MAGI2: variants seen among roughly 807,000 people sequenced by gnomAD.
MAGI2 encodes membrane-associated guanylate kinase, WW and PDZ domain-containing protein 2.
MAGI2 carries 35 observed loss-of-function variants against 133.3 expected under a neutral mutation model. That is an observed-to-expected ratio of 0.26 (90% confidence interval 0.20 to 0.35). MAGI2 has a LOEUF of 0.35. MAGI2 is among the 10% of genes least tolerant of loss of function. The probability of loss-of-function intolerance (pLI) is 1.00; values close to 1 mark genes in which losing one functional copy is unlikely to be tolerated. For synonymous variants in MAGI2, 729 were observed against 710.6 expected (o/e 1.03, Z -0.41); for missense variants, 1,636 against 1,863.4 (o/e 0.88, Z 2.25).
Position 78,241,639 on chromosome 7 carries a change from AAAAGATTTCATGGCC to A in MAGI2, c.2047+14289_2047+14303del, listed in dbSNP as rs1187945524. 6.6e-5 allele frequency among the ~76,000 whole-genome samples: 10 copies of A among 152,304 alleles called. 1 individual carries two copies. The highest frequency in any genetic ancestry group is 5.2e-4 in the Admixed American group (8 of 15,304). On this transcript the variant is annotated intron_variant, in intron 10 of 21. Coordinates refer to ENST00000354212, the MANE Select transcript of MAGI2 (RefSeq NM_012301.4). The stretch of plus-strand genomic sequence containing the variant: ...ATCACATCACTATATCATGTTAGAA[AAAAGATTTCATGGCC>A]AGGTGCAGTGGCTCACGCCTGTAAT...
At chr7:78,183,307 C>A (rs1223918111) in intron 13 of MAGI2, among the ~76,000 whole-genome samples, 1 of 144,078 alleles carries the variant, frequency 6.9e-6, no homozygotes, top group African/African-American at 2.6e-5. Flanking sequence ...CGCTCTGTTG[C>A]CAGACTGGAG....
intron 1 of MAGI2, among the ~76,000 whole-genome samples, chr7:79,370,246 T>C (rs181872885): frequency 1.3e-5 from 2 of 152,272 alleles, no homozygotes; most frequent in Admixed American, 1.3e-4. Flanking sequence ...TAAATATTTT[T>C]ACCACTAGCA....
intron 2 of MAGI2, among the ~76,000 whole-genome samples, chr7:78,657,411 G>A (rs1483636399): frequency 2.0e-5 from 3 of 152,220 alleles, no homozygotes; most frequent in African/African-American, 7.2e-5. Context: ...GCCAAAACTT[G>A]GAAGCAACCA....
chr7:79,158,167 T>C (rs1177484451), intron 1 of MAGI2, among the ~76,000 whole-genome samples: 8 of 152,014 alleles, frequency 5.3e-5, no homozygotes. Context: ...TTGCCTAGGA[T>C]GGTGAAACAG....
At chr7:78,294,587 G>A (rs958550549) in intron 9 of MAGI2, among the ~76,000 whole-genome samples, 1 of 152,242 alleles carries the variant, frequency 6.6e-6, no homozygotes, top group Non-Finnish European at 1.5e-5. Flanking sequence ...CTTAGGACAC[G>A]TGTGGAAACA....
chr7:78,973,163 G>T (rs1803936184), intron 2 of MAGI2, among the ~76,000 whole-genome samples: 1 of 151,798 alleles, frequency 6.6e-6, no homozygotes, highest in African/African-American at 2.4e-5. Context: ...TTTTAATTCT[G>T]TAACAATATT....
intron 1 of MAGI2, among the ~76,000 whole-genome samples, chr7:79,136,218 T>C (rs1470247157): frequency 6.6e-6 from 1 of 152,224 alleles, no homozygotes; most frequent in African/African-American, 2.4e-5. Context: ...AAATGTCTTA[T>C]ATTTGTCTTT....
chr7:79,080,220 A>G (rs538130563), intron 1 of MAGI2, among the ~76,000 whole-genome samples: 7 of 152,106 alleles, frequency 4.6e-5, no homozygotes, highest in Admixed American at 2.0e-4. Flanking sequence ...ATCATAAAAG[A>G]CTCGGTATTA....
Position 78,092,716 on chromosome 7 carries a change from A to G in MAGI2, c.3568-13631T>C, listed in dbSNP as rs558682301. 6.7e-4 allele frequency among the ~76,000 whole-genome samples: 102 copies of G among 152,274 alleles called. 1 individual carries two copies. In the South Asian group the frequency reaches 0.013, roughly 19 times the overall value. On this transcript the variant is annotated intron_variant, in intron 20 of 21. Coordinates refer to ENST00000354212, the MANE Select transcript of MAGI2 (RefSeq NM_012301.4). ...TACTTTTTGAACTGTCCCACTTTTC[A>G]GTTTCGGTTAATAATTGTCTGATTA...
chr7:78,198,788 G>T (rs1167444553), intron 11 of MAGI2, among the ~76,000 whole-genome samples: 1 of 152,204 alleles, frequency 6.6e-6, no homozygotes, highest in African/African-American at 2.4e-5. Context: ...AAGTGGGGTA[G>T]TTTAAATCAT....
At chr7:78,280,980 A>G (rs1431127858) in intron 9 of MAGI2, among the ~76,000 whole-genome samples, 2 of 151,998 alleles carry the variant, frequency 1.3e-5, no homozygotes, top group Non-Finnish European at 2.9e-5. Context: ...ATTCTTCCTT[A>G]AACTGAATCA....
intron 2 of MAGI2, among the ~76,000 whole-genome samples, chr7:78,948,136 A>G (rs1215222713): frequency 6.6e-6 from 1 of 152,114 alleles, no homozygotes; most frequent in African/African-American, 2.4e-5. Context: ...CCAAATGTTC[A>G]TGATATTTGG....
chr7:78,829,213 T>C (rs1407344752), intron 2 of MAGI2, among the ~76,000 whole-genome samples: 1 of 152,120 alleles, frequency 6.6e-6, no homozygotes, highest in Non-Finnish European at 1.5e-5. Flanking sequence ...TTTTTATTAG[T>C]GTCCATCTAG....
At chr7:78,060,374 C>CAAACATCTTGAT (rs2151133600) in intron 21 of MAGI2, among the ~76,000 whole-genome samples, 1 of 144,298 alleles carries the variant, frequency 6.9e-6, no homozygotes, top group Non-Finnish European at 1.6e-5. Flanking sequence ...CTCGTTCTGA[C>CAAACATCTTGAT]AAACATCTTG....
chr7:78,680,913 A>T (rs1453174546), intron 2 of MAGI2, among the ~76,000 whole-genome samples: 2 of 152,210 alleles, frequency 1.3e-5, no homozygotes, highest in East Asian at 3.9e-4. Context: ...TCATGCTTAG[A>T]GGGTGGTCCT....
At chr7:78,941,539 T>C (rs1800972108) in intron 2 of MAGI2, among the ~76,000 whole-genome samples, 1 of 152,086 alleles carries the variant, frequency 6.6e-6, no homozygotes, top group Admixed American at 6.5e-5. Flanking sequence ...TTTTGCCCTG[T>C]TGGCCAGGCT....
chr7:79,014,629 A>AT (rs898826164), intron 1 of MAGI2, among the ~76,000 whole-genome samples: 11 of 152,082 alleles, frequency 7.2e-5, no homozygotes, highest in African/African-American at 1.2e-4. Flanking sequence ...AATTCAATCC[A>AT]TTTTTTTTAA....
chr7:79,093,714 C>CTTTTTTTTTTTTTTTTTTTTTTTTTTTT (rs369075503), intron 1 of MAGI2, among the ~76,000 whole-genome samples: 3 of 113,308 alleles, frequency 2.6e-5, no homozygotes, highest in African/African-American at 6.7e-5. Context: ...CTTTTCTTTT[C>CTTTTTTTTTTTTTTTTTTTTTTTTTTTT]TTTTTTTTTT....
At chr7:79,385,955 C>A (rs1347040551) in intron 1 of MAGI2, among the ~76,000 whole-genome samples, 2 of 151,778 alleles carry the variant, frequency 1.3e-5, no homozygotes, top group Non-Finnish European at 2.9e-5. Context: ...CTTAAATATG[C>A]ACAATAAAAT....
Sources: allele counts gnomAD v4.1 joint callset (sites outside exome capture counted in the v4.1 genomes callset), GRCh38; gene constraint gnomAD v4.1.1; transcripts MANE v1.5; gene names NCBI Gene and HGNC (gene_info 2026-07-23, HGNC 2026-07-21).